GATA4: variants seen among roughly 807,000 people sequenced by gnomAD.
GATA4 encodes GATA binding protein 4.
GATA4 carries 7 observed loss-of-function variants against 37.9 expected under a neutral mutation model. The ratio of observed to expected loss-of-function variants is 0.18; its 90% CI spans 0.11 to 0.35. The LOEUF (loss-of-function observed/expected upper bound fraction) is 0.35. GATA4 is among the 10% of genes least tolerant of loss of function. GATA4 has a pLI of 1.00. For synonymous variants in GATA4, 372 were observed against 292.6 expected (o/e 1.27, Z -2.77); for missense variants, 647 against 653.0 (o/e 0.99, Z 0.10).
chr8:11,728,478 C>T (rs1196748025), intron 2 of GATA4, among the ~76,000 whole-genome samples: 1 of 152,152 alleles, frequency 6.6e-6, no homozygotes, highest in African/African-American at 2.4e-5. Flanking sequence ...AAGCACTCCG[C>T]CTTCCTCAGC....
chr8:11,702,124 C>T (rs903194677), upstream of GATA4, among the ~76,000 whole-genome samples: 26 of 152,336 alleles, frequency 1.7e-4, no homozygotes, highest in African/African-American at 6.0e-4. This position sits in a 1 kb window ranked among gnomAD's most constrained non-coding sequence, Gnocchi z 4.4. Context: ...CCGCACCTCC[C>T]GCTGCAGCCC....
intron 2 of GATA4, among the ~76,000 whole-genome samples, chr8:11,746,163 A>G (rs1486012708): frequency 6.6e-6 from 1 of 151,842 alleles, no homozygotes; most frequent in African/African-American, 2.4e-5. Context: ...CCCAGGTTCT[A>G]AGGAAGCTAG....
intron 1 of GATA4, among the ~76,000 whole-genome samples, chr8:11,696,582 C>A (rs1403791228): frequency 6.6e-6 from 1 of 152,190 alleles, no homozygotes; most frequent in Non-Finnish European, 1.5e-5. Context: ...AAAATAACAA[C>A]AATACTACTT....
intron 2 of GATA4, among the ~76,000 whole-genome samples, chr8:11,740,058 A>G (rs1470257697): frequency 3.9e-5 from 6 of 152,160 alleles, no homozygotes; most frequent in African/African-American, 1.2e-4. Context: ...GCCAGGAAGG[A>G]GCAAATATTT....
chr8:11,680,399 C>A (rs1424586529), intron 1 of GATA4: 8 of 862,748 alleles, frequency 9.3e-6, no homozygotes, highest in African/African-American at 1.8e-5. Context: ...TGCCACTTTC[C>A]CGCCCTCGGC....
At chr8:11,679,266 C>T (rs1356161722) in intron 1 of GATA4, among the ~76,000 whole-genome samples, 3 of 151,822 alleles carry the variant, frequency 2.0e-5, no homozygotes, top group Non-Finnish European at 4.4e-5. Context: ...CCTCGGATCT[C>T]CACGGTCGCG....
chr8:11,713,603 G>A (rs566683239), intron 2 of GATA4, among the ~76,000 whole-genome samples: 1 of 150,110 alleles, frequency 6.7e-6, no homozygotes, highest in South Asian at 2.1e-4. Context: ...ATGAAAGCAA[G>A]ATGGAGTATG....
intron 2 of GATA4, among the ~76,000 whole-genome samples, chr8:11,710,077 TC>T (rs1800105895): frequency 6.6e-6 from 1 of 152,192 alleles, no homozygotes. Flanking sequence ...AGGTTTCCAG[TC>T]TTGGGCTGGC....
chr8:11,726,902 C>T (rs1037406040), intron 2 of GATA4, among the ~76,000 whole-genome samples: 2 of 152,202 alleles, frequency 1.3e-5, no homozygotes, highest in Admixed American at 6.5e-5. Flanking sequence ...TCCCTGCCAG[C>T]TTGCAGAGAC....
chr8:11,681,345 T>C, intron 1 of GATA4: 1 of 985,334 alleles, frequency 1.0e-6, no homozygotes, highest in Non-Finnish European at 1.2e-6. Context: ...ACCCATCAAA[T>C]TTCCAGCACT....
chr8:11,758,165 T>C (rs1047639531), intron 6 of GATA4, 128 bp from the exon 7 acceptor site: 19 of 864,308 alleles, frequency 2.2e-5, no homozygotes, highest in Non-Finnish European at 3.5e-5. Context: ...GAAGTGCTCC[T>C]TGGTCCCTTC....
chr8:11,745,860 TG>T (rs1202312612), intron 2 of GATA4, among the ~76,000 whole-genome samples: 4 of 152,160 alleles, frequency 2.6e-5, no homozygotes, highest in Admixed American at 6.5e-5. Flanking sequence ...TAACACAATG[TG>T]GGGGAAAGTG....
Position 11,708,845 on chromosome 8 carries a change from C to A in GATA4, c.533C>A (p.Ala178Asp), listed in dbSNP as rs1229035049. 1 of 1,498,662 alleles carries A rather than the reference C, an allele frequency of 6.7e-7. No individual in the cohort carries two copies. Among genetic ancestry groups the A allele is most frequent in the Non-Finnish European group, 8.8e-7 (1 of 1,131,810 alleles). The allele number at this position is 1,498,662 out of a possible 1,614,324, so 92.8% of individuals were successfully genotyped here. The change falls in exon 2 of 7, where the codon GCC (alanine) becomes GAC (aspartate). Residue 178 changes from alanine to aspartate, a missense_variant. By Grantham distance (126) the Ala-to-Asp change is moderately radical. Coordinates refer to ENST00000532059, the MANE Select transcript of GATA4 (RefSeq NM_001308093.3). The surrounding 1 kb of genome is among the most constrained non-coding windows in gnomAD (Gnocchi z 6.7). ...GGCGCGTCCTGGGCCGCAGCCGCCGCCGCCTCCGCCGGCCCCTTCGACAGC... is the reference window on the plus strand; with the variant it reads ...GGCGCGTCCTGGGCCGCAGCCGCCGACGCCTCCGCCGGCCCCTTCGACAGC... Reference protein sequence around the residue: ...DVGASWAAAAAASAGPFDSPV... With the variant: ...DVGASWAAAADASAGPFDSPV...
chr8:11,692,731 C>T (rs1447664966), intron 1 of GATA4: 2 of 984,504 alleles, frequency 2.0e-6, no homozygotes, highest in Non-Finnish European at 2.4e-6. Flanking sequence ...AGAGCAGGCG[C>T]CGGGACCCAC....
At chr8:11,717,323 G>A (rs1291732111) in intron 2 of GATA4, among the ~76,000 whole-genome samples, 25 of 152,210 alleles carry the variant, frequency 1.6e-4, no homozygotes, top group Admixed American at 2.0e-4. Flanking sequence ...CAACTTTTTA[G>A]CGAGAGTAGC....
chr8:11,715,154 C>T (rs1161616136), intron 2 of GATA4, among the ~76,000 whole-genome samples: 6 of 151,868 alleles, frequency 4.0e-5, no homozygotes, highest in Non-Finnish European at 8.8e-5. Context: ...TTTATAAATG[C>T]AGGAAGTGTA....
At chr8:11,693,789 TGA>T (rs1799418076) in intron 1 of GATA4, among the ~76,000 whole-genome samples, 1 of 152,138 alleles carries the variant, frequency 6.6e-6, no homozygotes, top group African/African-American at 2.4e-5. Context: ...AGGATCGATA[TGA>T]GTGTTTGGCA....
intron 2 of GATA4, among the ~76,000 whole-genome samples, chr8:11,713,336 G>A (rs1032778608): frequency 6.6e-6 from 1 of 152,106 alleles, no homozygotes; most frequent in African/African-American, 2.4e-5. Context: ...CTGAGGGCAG[G>A]TACAGAGTCT....
chr8:11,716,152 A>C (rs981921024), intron 2 of GATA4, among the ~76,000 whole-genome samples: 2 of 152,200 alleles, frequency 1.3e-5, no homozygotes, highest in Admixed American at 1.3e-4. Context: ...CGTCTTGGCT[A>C]CTGTGAATAA....
Sources: allele counts gnomAD v4.1 joint callset (sites outside exome capture counted in the v4.1 genomes callset), GRCh38; gene constraint gnomAD v4.1.1; non-coding constraint Gnocchi (gnomAD v3.1); transcripts MANE v1.5; gene names NCBI Gene and HGNC (gene_info 2026-07-23, HGNC 2026-07-21).